Variants in EVI5 observed in about 807,000 individuals in gnomAD.
The protein encoded by EVI5 is ecotropic viral integration site 5 protein homolog.
Under a neutral mutation model 112.0 loss-of-function variants are expected in EVI5, and 73 were observed. The observed-to-expected ratio is 0.65, with a 90% CI of 0.54 to 0.79. The LOEUF (loss-of-function observed/expected upper bound fraction) is 0.79. Ranked by LOEUF, EVI5 falls within the 30% of genes least tolerant of loss-of-function variation. The pLI is 0.00. For missense variants in EVI5, 900 were observed against 968.8 expected, an observed-to-expected ratio of 0.93 and a Z score of 0.94; for synonymous variants, 305 against 319.9, an observed-to-expected ratio of 0.95 and a Z score of 0.50.
chr1:92,739,233 A>G (rs2102837318), intron 1 of EVI5, among the ~76,000 whole-genome samples: 1 of 132,886 alleles, frequency 7.5e-6, no homozygotes, highest in South Asian at 2.7e-4. Context: ...AGATCACGCC[A>G]CTGCTCTCCA....
intron 14 of EVI5, among the ~76,000 whole-genome samples, chr1:92,631,980 C>G (rs1220190456): frequency 6.6e-6 from 1 of 152,148 alleles, no homozygotes; most frequent in Non-Finnish European, 1.5e-5. Flanking sequence ...TGCTGGATTA[C>G]ATTTATTGAT....
At position 92,533,433 on chromosome 1, in the gene EVI5, G is replaced by A. The variant is rs563433144; in HGVS notation, c.2167-19463C>T. Among the ~76,000 whole-genome samples the A allele has an allele frequency of 3.8e-4, 58 of 151,622 alleles. 1 individual carries two copies. The highest frequency in any genetic ancestry group is 1.4e-3 in the African/African-American group (58 of 41,456). On this transcript the variant is annotated intron_variant, in intron 19 of 19. Transcript: ENST00000684568. ...AAAGAGGGAATCCTCCTTAACTCAT[G>A]AGGCCAGCATCATCCTGATAACAAA...
chr1:92,662,821 T>C lies in EVI5; in HGVS notation c.1290A>G (p.Ile430Met). The change falls in exon 13 of 20, where the codon ATA becomes ATG. Residue 430 changes from isoleucine to methionine, a missense_variant. By Grantham distance (10) the Ile-to-Met change is conservative. Coordinates refer to ENST00000684568, the MANE Select transcript of EVI5 (RefSeq NM_001350197.2). ...RAQEAEENYL[I>M]KRELATIKQQ... is the part of the protein sequence containing the mutation. ...GTTTGATGGTGGCCAACTCCCGTTT[T>C]ATGAGGTAGTTTTCCTCAGCCTCCT... The C allele has an allele frequency of 7.8e-7, 1 of 1,289,440 alleles. No individual in the cohort carries two copies. The allele number at this position is 1,289,440 out of a possible 1,614,324, so 79.9% of individuals were successfully genotyped here.
chr1:92,757,907 C>CAAAAAAA (rs71091299), intron 1 of EVI5, among the ~76,000 whole-genome samples: 2 of 70,272 alleles, frequency 2.8e-5, no homozygotes, highest in Non-Finnish European at 5.5e-5. Context: ...GACTCTGCCT[C>CAAAAAAA]AAAAAAAAAA....
In EVI5 at chr1:92,694,283, T is replaced by G. The variant is rs201652809; in HGVS notation, c.999+16A>C. On this transcript the variant is annotated intron_variant, in intron 8 of 19. Coordinates refer to ENST00000684568, the MANE Select transcript of EVI5 (RefSeq NM_001350197.2). ...CTGTCTCAAAAAAAAAAAAAGAAAATAAATTATGAACTTACCTGTAACATC... is the reference window on the plus strand; with the variant it reads ...CTGTCTCAAAAAAAAAAAAAGAAAAGAAATTATGAACTTACCTGTAACATC... 9 of 1,424,288 alleles carry G rather than the reference T, an allele frequency of 6.3e-6. No individual in the cohort carries two copies. The highest frequency in any genetic ancestry group is 1.5e-5 in the African/African-American group (1 of 68,418). The allele number at this position is 1,424,288 out of a possible 1,614,324, so 88.2% of individuals were successfully genotyped here. A position where few individuals can be genotyped will look rare whatever the true frequency, so the allele number is the denominator to read the frequency against.
intron 19 of EVI5, among the ~76,000 whole-genome samples, chr1:92,536,243 T>C (rs1453018403): frequency 6.6e-6 from 1 of 152,218 alleles, no homozygotes; most frequent in East Asian, 1.9e-4. Context: ...ATTTTAGAAT[T>C]TCTCTGTGTG....
chr1:92,626,399 T>A (rs1416955556), intron 14 of EVI5, among the ~76,000 whole-genome samples: 2 of 152,198 alleles, frequency 1.3e-5, no homozygotes, highest in Admixed American at 6.5e-5. Flanking sequence ...ACTGTATAGA[T>A]ATACCACATT....
chr1:92,565,345 T>A (rs1408100677), intron 18 of EVI5, among the ~76,000 whole-genome samples: 2 of 152,232 alleles, frequency 1.3e-5, no homozygotes, highest in Non-Finnish European at 2.9e-5. Flanking sequence ...AACTTGAAGA[T>A]CATTCAATAT....
intron 5 of EVI5, chr1:92,700,915 T>C (rs1671052296): frequency 6.6e-6 from 1 of 152,202 alleles, no homozygotes; most frequent in Non-Finnish European, 1.5e-5. Context: ...CTGGCTACGA[T>C]ACTGCCACTG....
At chr1:92,756,890 G>A (rs750816428) in intron 1 of EVI5, 27 of 413,156 alleles carry the variant, frequency 6.5e-5, no homozygotes, top group Admixed American at 1.7e-4. Context: ...CTGTCTGAAT[G>A]TTTCTTATAA....
chr1:92,734,794 A>G (rs946014531), intron 2 of EVI5, among the ~76,000 whole-genome samples: 2 of 152,348 alleles, frequency 1.3e-5, no homozygotes, highest in Middle Eastern at 6.8e-3. Flanking sequence ...CCAAACATAT[A>G]AAGAACTCTC....
At chr1:92,606,922 A>ACACC (rs1166280187) in intron 17 of EVI5, among the ~76,000 whole-genome samples, 2 of 129,076 alleles carry the variant, frequency 1.5e-5, no homozygotes, top group African/African-American at 3.2e-5. Flanking sequence ...ACACACACAC[A>ACACC]CCCCCCCAAA....
At chr1:92,775,437 A>G (rs139175046) in intron 1 of EVI5, among the ~76,000 whole-genome samples, 1 of 152,220 alleles carries the variant, frequency 6.6e-6, no homozygotes, top group East Asian at 1.9e-4. Context: ...AAAAAAAAAA[A>G]AAAAGAGGGT....
chr1:92,633,705 T>A (rs879192565), intron 14 of EVI5, among the ~76,000 whole-genome samples: 25 of 152,200 alleles, frequency 1.6e-4, no homozygotes, highest in African/African-American at 6.0e-4. Context: ...GTGAATTTGA[T>A]CCTGACATTA....
chr1:92,526,468 T>A (rs1203571842), intron 19 of EVI5, among the ~76,000 whole-genome samples: 1 of 152,194 alleles, frequency 6.6e-6, no homozygotes, highest in African/African-American at 2.4e-5. Context: ...GCATGGTAGG[T>A]CTGAAGAGCT....
intron 1 of EVI5, among the ~76,000 whole-genome samples, chr1:92,783,243 G>A (rs935771263): frequency 1.3e-5 from 2 of 152,138 alleles, no homozygotes; most frequent in East Asian, 1.9e-4. Context: ...AAGACCACCT[G>A]GGCCAGGTGC....
intron 18 of EVI5, among the ~76,000 whole-genome samples, chr1:92,597,226 T>C (rs1648114648): frequency 6.6e-6 from 1 of 152,176 alleles, no homozygotes. Flanking sequence ...TCTTCATAAC[T>C]AAATTTCTTG....
chr1:92,602,260 G>A (rs1358491199), intron 18 of EVI5, among the ~76,000 whole-genome samples: 2 of 152,032 alleles, frequency 1.3e-5, no homozygotes, highest in Non-Finnish European at 2.9e-5. Flanking sequence ...ATTGTGACTT[G>A]GAGTACAATA....
At chr1:92,618,304 T>C (rs1244855250) in intron 16 of EVI5, among the ~76,000 whole-genome samples, 1 of 152,188 alleles carries the variant, frequency 6.6e-6, no homozygotes, top group Non-Finnish European at 1.5e-5. Flanking sequence ...CTAGAGGTCT[T>C]AGTTCCAGAG....
Sources: allele counts gnomAD v4.1 joint callset (sites outside exome capture counted in the v4.1 genomes callset), GRCh38; gene constraint gnomAD v4.1.1; transcripts MANE v1.5; gene names NCBI Gene and HGNC (gene_info 2026-07-23, HGNC 2026-07-21).